The following MYO18B variants were observed in gnomAD, a reference collection of about 807,000 sequenced individuals.
MYO18B encodes the protein unconventional myosin-XVIIIb.
MYO18B carries 204 observed loss-of-function variants against 273.0 expected under a neutral mutation model. The observed-to-expected ratio is 0.75, with a 90% confidence interval of 0.67 to 0.84. The LOEUF (loss-of-function observed/expected upper bound fraction) is 0.84. MYO18B is among the 40% of genes least tolerant of loss of function. The pLI is 0.00. For missense variants in MYO18B, 3,212 were observed against 3,287.6 expected (o/e 0.98, Z 0.56); for synonymous variants, 1,330 against 1,305.7 (o/e 1.02, Z -0.40).
At chr22:25,777,865 C>A in intron 8 of MYO18B, 84 bp downstream of exon 8, 1 of 1,342,892 alleles carries the variant, frequency 7.4e-7, no homozygotes, top group Non-Finnish European at 1.0e-6. Flanking sequence ...TTCTTATATT[C>A]ATTCAGCTAG....
the MYO18B span, among the ~76,000 whole-genome samples, chr22:26,048,067 T>C: frequency 6.6e-6 from 1 of 152,226 alleles, no homozygotes; most frequent in East Asian, 1.9e-4. Context: ...TGTCAGAGTC[T>C]AGAGTAGACT....
intron 25 of MYO18B, among the ~76,000 whole-genome samples, chr22:25,886,709 A>T (rs547916852): frequency 6.6e-6 from 1 of 152,206 alleles, no homozygotes; most frequent in South Asian, 2.1e-4. Flanking sequence ...CAGATGCCAG[A>T]GGGGTGAGGG....
At chr22:25,855,295 T>C (rs549223289) in intron 21 of MYO18B, among the ~76,000 whole-genome samples, 1 of 151,132 alleles carries the variant, frequency 6.6e-6, no homozygotes, top group Non-Finnish European at 1.5e-5. Flanking sequence ...CTTTTTTTTT[T>C]TTTTTTGAGA....
At chr22:25,817,263 CT>C (rs1488847931) in intron 12 of MYO18B, among the ~76,000 whole-genome samples, 1 of 149,068 alleles carries the variant, frequency 6.7e-6, no homozygotes, top group African/African-American at 2.5e-5. Context: ...TCTTCTTTTT[CT>C]TTTTCTTCTC....
chr22:25,900,740 A>T (rs980335570), intron 29 of MYO18B: 3 of 152,490 alleles, frequency 2.0e-5, no homozygotes, highest in African/African-American at 7.2e-5. Context: ...TGGTGTTTGT[A>T]GTAGCTATTC....
At chr22:25,923,235 C>G (rs955448162) in intron 34 of MYO18B, among the ~76,000 whole-genome samples, 1 of 152,208 alleles carries the variant, frequency 6.6e-6, no homozygotes, top group African/African-American at 2.4e-5. Context: ...GAAAATTCTG[C>G]GACTCTTAGC....
chr22:26,028,037 A>ACT (rs1292144271), intron 43 of MYO18B, among the ~76,000 whole-genome samples: 44 of 152,192 alleles, frequency 2.9e-4, no homozygotes, highest in Non-Finnish European at 5.9e-4. Flanking sequence ...TAAGGTCAGG[A>ACT]GTTTGAGACC....
At chr22:26,048,600 C>T in the MYO18B span, among the ~76,000 whole-genome samples, 3 of 152,110 alleles carry the variant, frequency 2.0e-5, no homozygotes, top group Non-Finnish European at 2.9e-5. Context: ...TCCTTTTACC[C>T]TTGGGCCAAA....
At chr22:25,953,077 A>G (rs2092810827) in intron 38 of MYO18B, among the ~76,000 whole-genome samples, 1 of 152,158 alleles carries the variant, frequency 6.6e-6, no homozygotes, top group East Asian at 1.9e-4. Context: ...TTAATGCTGA[A>G]CCTTGAAGGA....
chr22:25,991,209 C>T (rs2093267094), intron 39 of MYO18B, among the ~76,000 whole-genome samples: 1 of 152,186 alleles, frequency 6.6e-6, no homozygotes, highest in Non-Finnish European at 1.5e-5. Context: ...CTGCTGCAAA[C>T]ATCCTCGGGC....
chr22:25,860,882 T>C (rs909854692), intron 21 of MYO18B, among the ~76,000 whole-genome samples: 1 of 148,742 alleles, frequency 6.7e-6, no homozygotes, highest in Non-Finnish European at 1.5e-5. Flanking sequence ...TTATATATCA[T>C]TGCTATTTTT....
chr22:25,781,734 A>T lies in MYO18B; in HGVS notation c.2212A>T (p.Thr738Ser). The change falls in exon 10 of 44, where the codon ACA becomes TCA. Residue 738 changes from threonine to serine, a missense_variant and splice_region_variant. Coordinates refer to ENST00000335473, the MANE Select transcript of MYO18B (RefSeq NM_032608.7). ...TGRITAAQLQTMLLEKSRVAR... is the reference protein window; with the variant it reads ...TGRITAAQLQSMLLEKSRVAR... ...GGGTGCCCCTCTTCTCTCCCTGCAG[A>T]CAATGCTTTTGGAGAAGAGCCGCGT... 6.4e-7 allele frequency: 1 copy of T among 1,552,732 alleles called. No individual in the cohort carries two copies. Among genetic ancestry groups the T allele is most frequent in the Non-Finnish European group, 8.7e-7 (1 of 1,151,212 alleles).
At chr22:25,918,217 C>G (rs766229042) in intron 33 of MYO18B, among the ~76,000 whole-genome samples, 1 of 152,166 alleles carries the variant, frequency 6.6e-6, no homozygotes, top group Non-Finnish European at 1.5e-5. Flanking sequence ...TGTCTCCAAG[C>G]CTCAATTTCC....
chr22:25,855,302 G>C (rs1409510020), intron 21 of MYO18B, among the ~76,000 whole-genome samples: 1 of 27,538 alleles, frequency 3.6e-5, no homozygotes, highest in Admixed American at 3.5e-4. Flanking sequence ...TTTTTTTTTT[G>C]AGATGGAGTC....
rs1388779843 is a variant in MYO18B, at chr22:25,851,517, G to T, written c.3823G>T (p.Val1275Leu). ...CACTCGCTTCCGCCGGCAATTCCAG[G>T]TGCTGGACGCTCCACTCCTGAAGAA... The part of the protein sequence containing the change: ...GLTRFRRQFQ[V>L]LDAPLLKKLM... Residue 1275 changes from valine (V) to leucine (L), a missense_variant, in exon 21 of 44, where the codon GTG (valine) becomes TTG (leucine). Coordinates refer to ENST00000335473, the MANE Select transcript of MYO18B (RefSeq NM_032608.7). The T allele has an allele frequency of 6.4e-7, 1 of 1,561,348 alleles. No individual in the cohort carries two copies. Among genetic ancestry groups the T allele is most frequent in the African/African-American group, 1.4e-5 (1 of 73,630 alleles).
chr22:25,812,699 G>A (rs973420064), intron 12 of MYO18B, among the ~76,000 whole-genome samples: 4 of 152,170 alleles, frequency 2.6e-5, no homozygotes, highest in Non-Finnish European at 5.9e-5. Flanking sequence ...CTCTCTGCAT[G>A]GTTGAAAGAG....
chr22:26,027,419 GTTCCT>G lies in MYO18B; in HGVS notation c.7449_7453del (p.Phe2484LeufsTer22). On this transcript the variant is annotated frameshift_variant, in exon 43 of 44. Coordinates refer to ENST00000335473, the MANE Select transcript of MYO18B (RefSeq NM_032608.7). LOFTEE classifies it low-confidence loss of function (END_TRUNC). The surrounding 1 kb of genome is among the most constrained non-coding windows in gnomAD (Gnocchi z 4.1). ...CACTTTGAAACGGAAGAGGCTAACC[GTTCCT>G]TTCTCTCGGGGATCAAGACCATTTT... is the stretch of plus-strand genomic sequence containing the variant. The G allele has an allele frequency of 6.2e-7, 1 of 1,613,934 alleles. No individual in the cohort carries two copies.
In MYO18B at chr22:25,908,309, G is replaced by T. The variant is rs1056471728; in HGVS notation, c.5149-13G>T. The T allele has an allele frequency of 1.3e-6, 2 of 1,563,778 alleles. No individual in the cohort carries two copies. The highest frequency in any genetic ancestry group is 1.9e-5 in the Admixed American group (1 of 52,204). Reference sequence around the variant, plus strand: ...TGGGTCACCCTCACGTGCTGTCCTTGCTGCCCCCGCAGCTCCGCCAGCGGT... The same window carrying T: ...TGGGTCACCCTCACGTGCTGTCCTTTCTGCCCCCGCAGCTCCGCCAGCGGT... On this transcript the variant is annotated splice_polypyrimidine_tract_variant and intron_variant, in intron 31 of 43. Transcript: ENST00000335473.
intron 14 of MYO18B, 35 bp from the exon 15 acceptor site, chr22:25,828,741 A>G (rs1450692789): frequency 6.3e-6 from 10 of 1,593,040 alleles, no homozygotes; most frequent in Middle Eastern, 1.7e-4. Flanking sequence ...ATTCCATGCC[A>G]TCTCAGACAT....
Sources: allele counts gnomAD v4.1 joint callset (sites outside exome capture counted in the v4.1 genomes callset), GRCh38; gene constraint gnomAD v4.1.1; non-coding constraint Gnocchi (gnomAD v3.1); transcripts MANE v1.5; gene names NCBI Gene and HGNC (gene_info 2026-07-23, HGNC 2026-07-21).